Variants in COL6A5 observed in about 807,000 individuals in gnomAD.
COL6A5 encodes the protein collagen alpha-5(VI) chain.
Under a neutral mutation model 65.6 loss-of-function variants are expected in COL6A5, and 48 were observed. That is an observed-to-expected ratio of 0.73 (90% CI 0.58 to 0.93). COL6A5 has a LOEUF of 0.93. Among genes scored for constraint, COL6A5 ranks in the 40% least tolerant of loss-of-function variants. COL6A5 has a pLI of 0.00. For synonymous variants in COL6A5, 291 were observed against 322.8 expected (o/e 0.90, Z 1.05); for missense variants, 914 against 928.3 (o/e 0.98, Z 0.20).
chr3:130,387,764 A>T (rs1936246917), intron 5 of COL6A5, among the ~76,000 whole-genome samples: 1 of 152,070 alleles, frequency 6.6e-6, no homozygotes, highest in Admixed American at 6.6e-5. Context: ...AGGGATTAAG[A>T]CTAAAAAGAT....
intron 7 of COL6A5, 85 bp from the exon 41 acceptor site, chr3:130,483,950 T>C: frequency 3.5e-6 from 4 of 1,134,264 alleles, no homozygotes; most frequent in Non-Finnish European, 3.9e-6. Context: ...GTTTTATATG[T>C]GGCATATAAA....
intron 5 of COL6A5, among the ~76,000 whole-genome samples, chr3:130,457,315 A>T (rs1344876293): frequency 6.6e-6 from 1 of 152,088 alleles, no homozygotes; most frequent in East Asian, 1.9e-4. Flanking sequence ...AAAGTCTGGT[A>T]ATTTAGAAGC....
chr3:130,383,698 C>T (rs1330253037), intron 4 of COL6A5, among the ~76,000 whole-genome samples: 1 of 151,992 alleles, frequency 6.6e-6, no homozygotes, highest in Non-Finnish European at 1.5e-5. Context: ...TCAAGAAAAC[C>T]AGATAATGAC....
intron 10 of COL6A5, among the ~76,000 whole-genome samples, chr3:130,399,049 T>G (rs1454716665): frequency 6.6e-6 from 1 of 152,212 alleles, no homozygotes; most frequent in African/African-American, 2.4e-5. Flanking sequence ...TGTCATAGCT[T>G]CAAACTGAGC....
At chr3:130,383,518 G>A (rs1056956639) in intron 4 of COL6A5, among the ~76,000 whole-genome samples, 5 of 151,966 alleles carry the variant, frequency 3.3e-5, no homozygotes, top group Non-Finnish European at 7.4e-5. Flanking sequence ...GTTGGCCTGG[G>A]ATCAACCCTG....
chr3:130,481,789 A>G (rs527728044), intron 7 of COL6A5, among the ~76,000 whole-genome samples: 3 of 152,190 alleles, frequency 2.0e-5, no homozygotes, highest in Non-Finnish European at 4.4e-5. Context: ...CATTTCTCTA[A>G]TGATCAGTGA....
exon 3 of COL6A5, chr3:130,376,817 C>A: frequency 6.2e-7 from 1 of 1,612,098 alleles, no homozygotes; most frequent in Non-Finnish European, 8.5e-7. Context: ...AGGAGGGAGC[C>A]GTCGATGCTG....
intron 7 of COL6A5, 54 bp downstream of exon 7, chr3:130,391,808 A>G: frequency 7.5e-7 from 1 of 1,334,526 alleles, no homozygotes; most frequent in South Asian, 1.5e-5. Context: ...GTTTAAACAA[A>G]AAGTAAATCA....
exon 8 of COL6A5, chr3:130,484,498 A>G (rs1006075394): frequency 5.0e-6 from 2 of 401,284 alleles, no homozygotes; most frequent in East Asian, 7.1e-5. Context: ...AGCCATGCCC[A>G]TGTCATCGGT....
At chr3:130,357,927 T>C (rs1344328469) in intron 1 of COL6A5, among the ~76,000 whole-genome samples, 4 of 152,170 alleles carry the variant, frequency 2.6e-5, no homozygotes, top group African/African-American at 9.6e-5. Flanking sequence ...TGGTGGCTCA[T>C]GCCTGTAATC....
chr3:130,434,654 T>C (rs929498468), intron 1 of COL6A5, among the ~76,000 whole-genome samples: 5 of 152,192 alleles, frequency 3.3e-5, no homozygotes, highest in Admixed American at 3.3e-4. Flanking sequence ...TGGTATCTCA[T>C]TGTGGTTTTG....
intron 14 of COL6A5, 82 bp from the exon 15 acceptor site, chr3:130,405,911 T>C: frequency 7.5e-7 from 1 of 1,339,766 alleles, no homozygotes; most frequent in East Asian, 2.5e-5. Context: ...AAGAAATACA[T>C]GCTCACTCAC....
chr3:130,399,746 GATAT>G (rs10549800), intron 10 of COL6A5, among the ~76,000 whole-genome samples: 2 of 149,206 alleles, frequency 1.3e-5, no homozygotes, highest in Non-Finnish European at 1.5e-5. Context: ...CCTGTAATGA[GATAT>G]ATATATATAT....
At chr3:130,384,240 G>A (rs534454160) in intron 4 of COL6A5, among the ~76,000 whole-genome samples, 1 of 152,144 alleles carries the variant, frequency 6.6e-6, no homozygotes, top group East Asian at 1.9e-4. Context: ...AACACAGTGA[G>A]GGAGACGAAG....
intron 1 of COL6A5, among the ~76,000 whole-genome samples, chr3:130,366,872 A>G (rs576629046): frequency 6.6e-6 from 1 of 152,314 alleles, no homozygotes; most frequent in East Asian, 1.9e-4. Context: ...GTCAAAACCA[A>G]TAGGTTTATG....
At chr3:130,439,605 A>G (rs1559904363) in exon 2 of COL6A5, 6 of 1,550,670 alleles carry the variant, frequency 3.9e-6, no homozygotes, top group East Asian at 2.4e-5. Flanking sequence ...GGCGCTGTGC[A>G]CTTTGCTATG....
intron 1 of COL6A5, among the ~76,000 whole-genome samples, chr3:130,437,927 T>C (rs909939049): frequency 6.6e-6 from 1 of 152,176 alleles, no homozygotes; most frequent in African/African-American, 2.4e-5. Context: ...AATAATTTAC[T>C]TTTTTATTAT....
rs145115063 is a variant in COL6A5, at chr3:130,370,134, A to G, written c.-28-3477A>G. On this transcript the variant is annotated intron_variant and NMD_transcript_variant, in intron 1 of 41. Transcript: ENST00000312481. ...GGTCCTTCCATCATAGAATCACAGG[A>G]TCAGAGAATTTTAGAGTTAGGAGGA... is the stretch of plus-strand genomic sequence containing the variant. Among the ~76,000 whole-genome samples the G allele has an allele frequency of 3.2e-3, 482 of 152,272 alleles. 2 individuals are homozygous for G. The highest frequency in any genetic ancestry group is 0.011 in the African/African-American group (454 of 41,554).
chr3:130,465,109 C>T (rs73196009), intron 5 of COL6A5, among the ~76,000 whole-genome samples: 50 of 152,196 alleles, frequency 3.3e-4, no homozygotes, highest in Non-Finnish European at 6.3e-4. Flanking sequence ...ATGAGATGAA[C>T]ACTACAAGTG....
Sources: gnomAD v4.1 joint callset for allele counts (sites outside exome capture counted in the v4.1 genomes callset) on GRCh38, gnomAD v4.1.1 for gene constraint, MANE v1.5 for transcripts, NCBI Gene and HGNC (gene_info 2026-07-23, HGNC 2026-07-21) for gene names.